The following DERA variants were observed in gnomAD, a reference collection of about 807,000 sequenced individuals.
The protein encoded by DERA is 2-deoxy-D-ribose 5-phosphate aldolase.
In DERA, 15 loss-of-function variants were observed where a neutral mutation model predicts 41.1. That is an observed-to-expected ratio of 0.37 (90% CI 0.24 to 0.56). The LOEUF is 0.56. Among genes scored for constraint, DERA ranks in the 20% least tolerant of loss-of-function variants. DERA has a pLI of 0.81. For synonymous variants in DERA, 139 were observed against 137.4 expected, an observed-to-expected ratio of 1.01 and a Z score of -0.08; for missense variants, 396 against 403.4, an observed-to-expected ratio of 0.98 and a Z score of 0.16.
chr12:16,005,468 C>A (rs1185305228), intron 6 of DERA, among the ~76,000 whole-genome samples: 1 of 152,072 alleles, frequency 6.6e-6, no homozygotes, highest in Admixed American at 6.6e-5. Flanking sequence ...ATTCTGAAGA[C>A]CAGCTCGCTT....
chr12:15,995,849 T>C lies in DERA; in HGVS notation c.637+13413T>C, dbSNP rs899490281. Reference sequence around the variant, plus strand: ...TGTTCAAATACTTGGAAGATTTTCCTGATAAAGGAAGATTTTTCTCTCTTA... The same window carrying C: ...TGTTCAAATACTTGGAAGATTTTCCCGATAAAGGAAGATTTTTCTCTCTTA... On this transcript the variant is annotated intron_variant, in intron 6 of 8. Transcript: ENST00000428559. The surrounding 1 kb of genome is among the most constrained non-coding windows in gnomAD (Gnocchi z 5.1). 1.3e-5 allele frequency among the ~76,000 whole-genome samples: 2 copies of C among 152,250 alleles called. No individual in the cohort carries two copies. The highest frequency in any genetic ancestry group is 4.8e-5 in the African/African-American group (2 of 41,466).
chr12:15,923,578 C>T (rs59422290), intron 1 of DERA, among the ~76,000 whole-genome samples: 14,388 of 152,166 alleles, frequency 0.095, 2,271 homozygotes, highest in African/African-American at 0.32. Flanking sequence ...TATATTTTCT[C>T]TTTCTCTAGA....
In DERA at chr12:16,021,053, T is replaced by A. The variant is rs966867172; in HGVS notation, c.638-11489T>A. Among the ~76,000 whole-genome samples the A allele has an allele frequency of 7.2e-5, 11 of 152,210 alleles. No individual in the cohort carries two copies. The highest frequency in any genetic ancestry group is 7.3e-5 in the Non-Finnish European group (5 of 68,040). ...CCTTTCCCTGTGGTAGAGAAGGAAT[T>A]CAAGCAGGCTGTGGAGCAACTGCTT... is the stretch of plus-strand genomic sequence containing the variant. On this transcript the variant is annotated intron_variant, in intron 6 of 8. Transcript: ENST00000428559. This position sits in a 1 kb window ranked among gnomAD's most constrained non-coding sequence, Gnocchi z 5.3.
chr12:16,017,799 C>T lies in DERA; in HGVS notation c.638-14743C>T, dbSNP rs1477621811. 6.6e-6 allele frequency among the ~76,000 whole-genome samples: 1 copy of T among 152,132 alleles called. No individual in the cohort carries two copies. Among genetic ancestry groups the T allele is most frequent in the Non-Finnish European group, 1.5e-5 (1 of 68,016 alleles). Reference sequence around the variant, plus strand: ...TCTTTCTAACTTTAATCGGTAATTTCTCAGCAATAGAAAACATGATGCTAA... The same window carrying T: ...TCTTTCTAACTTTAATCGGTAATTTTTCAGCAATAGAAAACATGATGCTAA... On this transcript the variant is annotated intron_variant, in intron 6 of 8. Coordinates refer to ENST00000428559, the MANE Select transcript of DERA (RefSeq NM_015954.4). This position sits in a 1 kb window ranked among gnomAD's most constrained non-coding sequence, Gnocchi z 5.5.
chr12:16,029,427 A>AAAATAAATAAATAAAT (rs77820032), intron 6 of DERA, among the ~76,000 whole-genome samples: 10 of 150,532 alleles, frequency 6.6e-5, no homozygotes, highest in African/African-American at 2.4e-4. Flanking sequence ...ACTCCGTCTC[A>AAAATAAATAAATAAAT]AAATAAATAA....
intron 1 of DERA, among the ~76,000 whole-genome samples, chr12:15,949,053 T>C (rs1028777359): frequency 6.6e-6 from 1 of 152,310 alleles, no homozygotes; most frequent in Admixed American, 6.5e-5. Flanking sequence ...TGATCGTTCC[T>C]CTGGGAGCTT....
rs1283239902 is a variant in DERA, at chr12:16,001,915, T to C, written c.637+19479T>C. On this transcript the variant is annotated intron_variant, in intron 6 of 8. Transcript: ENST00000428559. This position sits in a 1 kb window ranked among gnomAD's most constrained non-coding sequence, Gnocchi z 4.1. ...ATGGACTTTTCAGACAAAATACTGCTTTCTTTGCCTAATCAAGTAAAGTTA... is the reference window on the plus strand; with the variant it reads ...ATGGACTTTTCAGACAAAATACTGCCTTCTTTGCCTAATCAAGTAAAGTTA... Among the ~76,000 whole-genome samples the C allele has an allele frequency of 1.3e-5, 2 of 152,192 alleles. No homozygotes were observed. The highest frequency in any genetic ancestry group is 4.8e-5 in the African/African-American group (2 of 41,454).
Position 15,983,378 on chromosome 12 carries a change from T to C in DERA, c.637+942T>C, listed in dbSNP as rs1948745011. On this transcript the variant is annotated intron_variant, in intron 6 of 8. Transcript: ENST00000428559. This position sits in a 1 kb window ranked among gnomAD's most constrained non-coding sequence, Gnocchi z 6.2. Reference sequence around the variant, plus strand: ...ATGTTCTCCAGCCAGGTAGAGTTACTTGCACTTCTCTGCAGATGGTGCCAT... The same window carrying C: ...ATGTTCTCCAGCCAGGTAGAGTTACCTGCACTTCTCTGCAGATGGTGCCAT... Among the ~76,000 whole-genome samples the C allele has an allele frequency of 6.6e-6, 1 of 152,202 alleles. No individual in the cohort carries two copies. Among genetic ancestry groups the C allele is most frequent in the African/African-American group, 2.4e-5 (1 of 41,456 alleles).
In DERA at chr12:15,993,495, T is replaced by TTA. The variant is rs1555156684; in HGVS notation, c.637+11059_637+11060insTA. On this transcript the variant is annotated intron_variant, in intron 6 of 8. Transcript: ENST00000428559. This position sits in a 1 kb window ranked among gnomAD's most constrained non-coding sequence, Gnocchi z 4.4. ...GTGTTGTGGCCTTTTTTTTTTTTTT[T>TTA]AAAAAAAATAAGATCTTGCCTTTCA... Among the ~76,000 whole-genome samples the TTA allele has an allele frequency of 2.4e-4, 36 of 149,402 alleles. No individual in the cohort carries two copies. Among genetic ancestry groups the TTA allele is most frequent in the African/African-American group, 7.9e-4 (32 of 40,542 alleles).
intron 5 of DERA, among the ~76,000 whole-genome samples, chr12:15,978,411 A>G (rs1948712819): frequency 6.6e-6 from 1 of 152,202 alleles, no homozygotes; most frequent in South Asian, 2.1e-4. Flanking sequence ...TATAAGGGAA[A>G]ATATGGGAAG....
At chr12:15,937,251 C>A (rs1211363306) in intron 1 of DERA, among the ~76,000 whole-genome samples, 1 of 152,180 alleles carries the variant, frequency 6.6e-6, no homozygotes, top group Non-Finnish European at 1.5e-5. Context: ...CCACTGTGCC[C>A]AGCCTGTATT....
chr12:15,985,782 T>C lies in DERA; in HGVS notation c.637+3346T>C, dbSNP rs977374572. On this transcript the variant is annotated intron_variant, in intron 6 of 8. Coordinates refer to ENST00000428559, the MANE Select transcript of DERA (RefSeq NM_015954.4). The surrounding 1 kb of genome is among the most constrained non-coding windows in gnomAD (Gnocchi z 4.2). ...TCTTTTGGAATTAACAGTTATTTTG[T>C]AGCTCATTTTATGGTTGTATTTAGT... is the stretch of plus-strand genomic sequence containing the variant. 6.6e-6 allele frequency among the ~76,000 whole-genome samples: 1 copy of C among 152,182 alleles called. No individual in the cohort carries two copies. Among genetic ancestry groups the C allele is most frequent in the Admixed American group, 6.5e-5 (1 of 15,286 alleles).
rs1948277344 is a variant in DERA, at chr12:15,925,762, C to T, written c.31+14348C>T. 2.6e-5 allele frequency among the ~76,000 whole-genome samples: 4 copies of T among 150,976 alleles called. No homozygotes were observed. In the South Asian group the frequency reaches 8.4e-4, roughly 32 times the overall value. ...TAATCATTTTTGCTGACTTAGAGGACCTTACAAGCATCAAAGCTGCTGTGT... is the reference window on the plus strand; with the variant it reads ...TAATCATTTTTGCTGACTTAGAGGATCTTACAAGCATCAAAGCTGCTGTGT... On this transcript the variant is annotated intron_variant, in intron 1 of 8. Transcript: ENST00000428559.
chr12:16,027,107 G>A (rs950415856), intron 6 of DERA, among the ~76,000 whole-genome samples: 2 of 152,028 alleles, frequency 1.3e-5, no homozygotes, highest in Non-Finnish European at 2.9e-5. Flanking sequence ...TTATAAGAAA[G>A]CCTCGGCAAA....
Position 15,959,898 on chromosome 12 carries a change from C to T in DERA, c.347C>T (p.Ala116Val). 1 of 1,549,114 alleles carries T rather than the reference C, an allele frequency of 6.5e-7. No individual in the cohort carries two copies. Among genetic ancestry groups the T allele is most frequent in the Non-Finnish European group, 8.7e-7 (1 of 1,144,488 alleles). The change falls in exon 4 of 9, where the codon GCA (alanine) becomes GTA (valine). Residue 116 changes from alanine to valine, a missense_variant. By Grantham distance (64) the Ala-to-Val change is moderately conservative. Transcript: ENST00000428559. This position sits in a 1 kb window ranked among gnomAD's most constrained non-coding sequence, Gnocchi z 4.5. The stretch of plus-strand genomic sequence containing the variant: ...GATGCTGTAAAAGCACTCAAGGCTG[C>T]AGGCTGTAATATCCCTGTGGCATCA... Reference protein sequence around the residue: ...VCDAVKALKAAGCNIPVASVA... With the variant: ...VCDAVKALKAVGCNIPVASVA...
At position 15,999,449 on chromosome 12, in the gene DERA, C is replaced by T. The variant is rs1427544618; in HGVS notation, c.637+17013C>T. Among the ~76,000 whole-genome samples the T allele has an allele frequency of 6.6e-6, 1 of 152,192 alleles. No homozygotes were observed. Among genetic ancestry groups the T allele is most frequent in the Non-Finnish European group, 1.5e-5 (1 of 68,030 alleles). ...ACACGTTTTCCAAGCACTTCAGGAA[C>T]ACAGCTGACCTTCTCTGGAGGAGTC... On this transcript the variant is annotated intron_variant, in intron 6 of 8. Transcript: ENST00000428559. This position sits in a 1 kb window ranked among gnomAD's most constrained non-coding sequence, Gnocchi z 5.3.
chr12:15,935,119 A>G lies in DERA; in HGVS notation c.32-21817A>G, dbSNP rs886347300. ...TTAAGGTTTTTGAAAAACTAAAAAT[A>G]TACTAGTTTTCTAAATAAATTGAGC... On this transcript the variant is annotated intron_variant, in intron 1 of 8. Coordinates refer to ENST00000428559, the MANE Select transcript of DERA (RefSeq NM_015954.4). This position sits in a 1 kb window ranked among gnomAD's most constrained non-coding sequence, Gnocchi z 4.8. Among the ~76,000 whole-genome samples the G allele has an allele frequency of 6.6e-6, 1 of 152,212 alleles. No homozygotes were observed. The highest frequency in any genetic ancestry group is 1.5e-5 in the Non-Finnish European group (1 of 68,038).
intron 4 of DERA, among the ~76,000 whole-genome samples, chr12:15,961,435 G>A (rs1290988571): frequency 6.6e-6 from 1 of 152,132 alleles, no homozygotes; most frequent in African/African-American, 2.4e-5. Flanking sequence ...AACACTTTGG[G>A]GGGGCTCAGG....
chr12:15,977,809 C>T lies in DERA; in HGVS notation c.509-4499C>T, dbSNP rs558986585. On this transcript the variant is annotated intron_variant, in intron 5 of 8. Transcript: ENST00000428559. Reference sequence around the variant, plus strand: ...GTGGAGGTAACTGCAAATTGTCTCACGATGGATGGTTAAATAGCGTGTGGA... The same window carrying T: ...GTGGAGGTAACTGCAAATTGTCTCATGATGGATGGTTAAATAGCGTGTGGA... 2.6e-4 allele frequency among the ~76,000 whole-genome samples: 39 copies of T among 152,236 alleles called. No individual in the cohort carries two copies. In the South Asian group the frequency reaches 3.7e-3, roughly 15 times the overall value.
Sources: gnomAD v4.1 joint callset for allele counts (sites outside exome capture counted in the v4.1 genomes callset) on GRCh38, gnomAD v4.1.1 for gene constraint, Gnocchi (gnomAD v3.1) non-coding constraint, MANE v1.5 for transcripts, NCBI Gene and HGNC (gene_info 2026-07-23, HGNC 2026-07-21) for gene names.